The following ITGB2 variants were observed in gnomAD, a reference collection of about 807,000 sequenced individuals.
ITGB2 encodes the protein integrin subunit beta 2.
A neutral mutation model predicts 86.8 loss-of-function variants in ITGB2; 56 were observed. The ratio of observed to expected loss-of-function variants is 0.65; its 90% CI spans 0.52 to 0.81. ITGB2 has a LOEUF of 0.81. ITGB2 is among the 30% of genes least tolerant of loss of function. ITGB2 has a pLI of 0.00. For synonymous variants in ITGB2, 457 were observed against 450.4 expected (o/e 1.01, Z -0.19); for missense variants, 948 against 1,061.2 (o/e 0.89, Z 1.48).
chr21:44,910,920 G>A, intron 1 of ITGB2, 135 bp from the exon 2 acceptor site: 1 of 844,074 alleles, frequency 1.2e-6, no homozygotes, highest in Non-Finnish European at 1.9e-6. Context: ...GTTAGGGTCA[G>A]GCCAGCACAG....
chr21:44,920,498 C>T (rs910716971), intron 1 of ITGB2, among the ~76,000 whole-genome samples: 3 of 152,146 alleles, frequency 2.0e-5, no homozygotes, highest in African/African-American at 7.2e-5. Context: ...AGCACCAGGA[C>T]CCCCCAGCCG....
chr21:44,909,789 TATCAAAATACATTTAC>T (rs2084101090), intron 3 of ITGB2, among the ~76,000 whole-genome samples: 1 of 152,228 alleles, frequency 6.6e-6, no homozygotes, highest in East Asian at 1.9e-4. Flanking sequence ...GATATACATG[TATCAAAATACATTTAC>T]ATCAAAGTAC....
chr21:44,906,332 G>T (rs2084042431), intron 4 of ITGB2, among the ~76,000 whole-genome samples: 1 of 152,112 alleles, frequency 6.6e-6, no homozygotes, highest in African/African-American at 2.4e-5. Flanking sequence ...TGTTGGCCAG[G>T]CTGGTCTCGA....
At chr21:44,908,231 T>G in intron 3 of ITGB2, 1 of 667,548 alleles carries the variant, frequency 1.5e-6, no homozygotes. Context: ...CGGTAAGGAA[T>G]GAGACACCAC....
In ITGB2 at chr21:44,906,909, G is replaced by C. The variant is rs755084700; in HGVS notation, c.328+6C>G. 5.0e-6 allele frequency: 8 copies of C among 1,614,086 alleles called. No individual in the cohort carries two copies. In the South Asian group the frequency reaches 6.6e-5, roughly 13 times the overall value. On this transcript the variant is annotated splice_donor_region_variant and intron_variant, in intron 4 of 15. Coordinates refer to ENST00000652462, the MANE Select transcript of ITGB2 (RefSeq NM_000211.5). Reference sequence around the variant, plus strand: ...TGCCTGGCACCACCACCGAGGCCAAGCCTACCTGGTCGCAGGTAAAGCGTC... The same window carrying C: ...TGCCTGGCACCACCACCGAGGCCAACCCTACCTGGTCGCAGGTAAAGCGTC...
intron 1 of ITGB2, among the ~76,000 whole-genome samples, chr21:44,915,086 C>T (rs936307524): frequency 1.3e-5 from 2 of 152,228 alleles, no homozygotes; most frequent in East Asian, 3.9e-4. Context: ...TGCAGTGGCG[C>T]GATCTCAGCT....
intron 9 of ITGB2, 161 bp from the exon 10 acceptor site, chr21:44,893,705 C>A: frequency 1.1e-6 from 1 of 883,588 alleles, no homozygotes; most frequent in Non-Finnish European, 1.8e-6. Flanking sequence ...CTGAGGATGG[C>A]AGGGCTGCCA....
chr21:44,896,218 G>A (rs1333664799), intron 8 of ITGB2, among the ~76,000 whole-genome samples: 2 of 152,236 alleles, frequency 1.3e-5, no homozygotes, highest in African/African-American at 4.8e-5. Context: ...GCCAGTGTTG[G>A]CCAGAATTTC....
intron 1 of ITGB2, among the ~76,000 whole-genome samples, chr21:44,918,544 G>C (rs921458519): frequency 6.6e-6 from 1 of 152,214 alleles, no homozygotes; most frequent in African/African-American, 2.4e-5. Context: ...GAGTCACGGG[G>C]GACCAAATAG....
upstream of ITGB2, among the ~76,000 whole-genome samples, chr21:44,925,414 GGGAGGGAGGGAAGGAAGGAA>G (rs1479315474): frequency 1.8e-4 from 19 of 106,858 alleles, no homozygotes; most frequent in Non-Finnish European, 2.8e-4. Flanking sequence ...AAGGAAGGGA[GGGAGGGAGGGAAGGAAGGAA>G]GGAAGGAAGG....
chr21:44,891,701 G>T, intron 11 of ITGB2, 108 bp downstream of exon 11: 3 of 1,288,140 alleles, frequency 2.3e-6, no homozygotes, highest in Non-Finnish European at 3.3e-6. Flanking sequence ...TGCCTGCTCC[G>T]TGGGGTGGGG....
At position 44,916,142 on chromosome 21, in the gene ITGB2, C is replaced by T. The variant is rs554327542; in HGVS notation, c.-4+4679G>A. On this transcript the variant is annotated intron_variant, in intron 1 of 15. Transcript: ENST00000652462. The stretch of plus-strand genomic sequence containing the variant: ...TTCACCATATTGGCCAGGCTGGTCT[C>T]GAACTCCTGACCTCGTGATCCGCCT... Among the ~76,000 whole-genome samples, 324 of 152,178 alleles carry T rather than the reference C, an allele frequency of 2.1e-3. 1 individual carries two copies. Among genetic ancestry groups the T allele is most frequent in the African/African-American group, 6.9e-3 (287 of 41,506 alleles).
intron 3 of ITGB2, among the ~76,000 whole-genome samples, chr21:44,908,377 C>T (rs1019776419): frequency 2.0e-5 from 3 of 151,856 alleles, no homozygotes; most frequent in East Asian, 1.9e-4. Context: ...CGCCACCACC[C>T]GGCCCTGGTG....
Position 44,903,429 on chromosome 21 carries a change from A to G in ITGB2, c.435T>C (p.Asn145=). 1 of 1,614,006 alleles carries G rather than the reference A, an allele frequency of 6.2e-7. No individual in the cohort carries two copies. The change falls in exon 5 of 16, where the codon AAT becomes AAC. Residue 145 remains asparagine, a synonymous_variant. Transcript: ENST00000652462. ...GCAGGTCGCCACCTAGCTTCTTGACATTCCTGAGGTCATCAAGCATGGAGT... is the reference window on the plus strand; with the variant it reads ...GCAGGTCGCCACCTAGCTTCTTGACGTTCCTGAGGTCATCAAGCATGGAGT... ...LSYSMLDDLR[N]VKKLGGDLLR...
At chr21:44,895,316 GC>G (rs937383796) in intron 8 of ITGB2, among the ~76,000 whole-genome samples, 5 of 152,286 alleles carry the variant, frequency 3.3e-5, no homozygotes, top group Admixed American at 2.0e-4. Flanking sequence ...GATTGCCTGA[GC>G]CCAGGAGTTC....
intron 1 of ITGB2, among the ~76,000 whole-genome samples, chr21:44,918,477 A>T (rs2084244193): frequency 6.6e-6 from 1 of 152,234 alleles, no homozygotes; most frequent in South Asian, 2.1e-4. Context: ...CTATAGAGAC[A>T]GCTGGAGTGC....
chr21:44,886,314 G>A lies in ITGB2; in HGVS notation c.*54C>T, dbSNP rs1306251281. The A allele has an allele frequency of 4.2e-5, 62 of 1,464,802 alleles. No individual in the cohort carries two copies. The highest frequency in any genetic ancestry group is 5.1e-5 in the Non-Finnish European group (53 of 1,043,954). 90.7% of individuals were successfully genotyped at this position (1,464,802 alleles called of 1,614,324 possible). Reference sequence around the variant, plus strand: ...AGCTGTGGCAAGCCATGTCTCGGCCGCGTGATGGGGCAGACATGGTGGGTC... The same window carrying A: ...AGCTGTGGCAAGCCATGTCTCGGCCACGTGATGGGGCAGACATGGTGGGTC... On this transcript the variant is annotated 3_prime_UTR_variant, in exon 16 of 16. Transcript: ENST00000652462.
chr21:44,907,378 G>C (rs1176668184), intron 3 of ITGB2, among the ~76,000 whole-genome samples: 1 of 152,234 alleles, frequency 6.6e-6, no homozygotes, highest in Admixed American at 6.5e-5. Flanking sequence ...GCCCGAGGCT[G>C]ACCCAAGAGG....
intron 1 of ITGB2, among the ~76,000 whole-genome samples, chr21:44,911,685 C>G (rs1411806452): frequency 1.3e-5 from 2 of 152,214 alleles, no homozygotes; most frequent in African/African-American, 4.8e-5. Flanking sequence ...AGATACACAC[C>G]CACCCCGTCC....
Sources: gnomAD v4.1 joint callset for allele counts (sites outside exome capture counted in the v4.1 genomes callset) on GRCh38, gnomAD v4.1.1 for gene constraint, MANE v1.5 for transcripts, NCBI Gene and HGNC (gene_info 2026-07-23, HGNC 2026-07-21) for gene names.